TTBK1: variants seen among roughly 807,000 people sequenced by gnomAD.
TTBK1 encodes tau-tubulin kinase 1.
Under a neutral mutation model 108.5 loss-of-function variants are expected in TTBK1, and 34 were observed. The ratio of observed to expected loss-of-function variants is 0.31; its 90% CI spans 0.24 to 0.42. TTBK1 has a LOEUF of 0.42. TTBK1 is among the 10% of genes least tolerant of loss of function. The pLI is 1.00. For synonymous variants in TTBK1, 809 were observed against 795.1 expected (o/e 1.02, Z -0.29); for missense variants, 1,539 against 1,826.0 (o/e 0.84, Z 2.86).
intron 12 of TTBK1, among the ~76,000 whole-genome samples, chr6:43,261,808 C>CAA (rs11409412): frequency 0.049 from 4,183 of 85,900 alleles, 115 homozygotes; most frequent in Middle Eastern, 0.066. Flanking sequence ...GATTCTGTCT[C>CAA]AAAAAAAAAA....
At position 43,263,002 on chromosome 6, in the gene TTBK1, C is replaced by T. The variant is rs772844511; in HGVS notation, c.1638C>T (p.Ile546=). ...EDFDSKEWVI[I]DKETELKDFP... is the part of the protein sequence containing the mutation. ...TCGACAGCAAAGAGTGGGTCATCAT[C>T]GACAAGGAGACGGAGCTCAAGGACT... Residue 546 remains isoleucine, a synonymous_variant, in exon 13 of 15, where the codon ATC becomes ATT. Coordinates refer to ENST00000259750, the MANE Select transcript of TTBK1 (RefSeq NM_032538.3). This position sits in a 1 kb window ranked among gnomAD's most constrained non-coding sequence, Gnocchi z 4.7. 9.3e-6 allele frequency: 15 copies of T among 1,610,834 alleles called. No individual in the cohort carries two copies. Among genetic ancestry groups the T allele is most frequent in the Middle Eastern group, 1.6e-4 (1 of 6,078 alleles).
chr6:43,277,261 G>A (rs2150709357), intron 13 of TTBK1, among the ~76,000 whole-genome samples: 1 of 152,244 alleles, frequency 6.6e-6, no homozygotes, highest in Admixed American at 6.5e-5. Context: ...CTGGAGCATG[G>A]ACTGTGAGAA....
Position 43,269,177 on chromosome 6 carries a change from G to A in TTBK1, c.1986+5827G>A, listed in dbSNP as rs202053234. On this transcript the variant is annotated intron_variant, in intron 13 of 14. Transcript: ENST00000259750. This position sits in a 1 kb window ranked among gnomAD's most constrained non-coding sequence, Gnocchi z 4.8. Reference sequence around the variant, plus strand: ...TGTGATGGGGCGGGGGTGCCAAGGCGGAGGGTGTACAGGGAAAGTTTCTGA... The same window carrying A: ...TGTGATGGGGCGGGGGTGCCAAGGCAGAGGGTGTACAGGGAAAGTTTCTGA... 6.6e-6 allele frequency among the ~76,000 whole-genome samples: 1 copy of A among 152,350 alleles called. No homozygotes were observed.
At position 43,253,286 on chromosome 6, in the gene TTBK1, C is replaced by T. The variant is rs373665388; in HGVS notation, c.257-5C>T. ...AGCTGGAAGACCTATGTCTGTGCCC[C>T]TCAGGGAAGGACCATGTGTGCAGGT... On this transcript the variant is annotated splice_polypyrimidine_tract_variant and splice_region_variant and intron_variant, in intron 3 of 14. Coordinates refer to ENST00000259750, the MANE Select transcript of TTBK1 (RefSeq NM_032538.3). The surrounding 1 kb of genome is among the most constrained non-coding windows in gnomAD (Gnocchi z 5.8). 2.5e-6 allele frequency: 4 copies of T among 1,614,084 alleles called. No homozygotes were observed. Among genetic ancestry groups the T allele is most frequent in the Non-Finnish European group, 2.5e-6 (3 of 1,179,984 alleles).
At chr6:43,271,754 T>C in intron 13 of TTBK1, 1 of 978,736 alleles carries the variant, frequency 1.0e-6, no homozygotes, top group Non-Finnish European at 1.2e-6. Flanking sequence ...AATCTTTCTT[T>C]GTAAGTCTAT....
At position 43,276,589 on chromosome 6, in the gene TTBK1, G is replaced by A. The variant is rs964209809; in HGVS notation, c.1987-6138G>A. Among the ~76,000 whole-genome samples the A allele has an allele frequency of 1.3e-5, 2 of 152,362 alleles. No individual in the cohort carries two copies. The highest frequency in any genetic ancestry group is 6.5e-5 in the Admixed American group (1 of 15,312). Reference sequence around the variant, plus strand: ...TGCGAGGGATTTTGTGCCTTTTTAAGTCCCTGTATGTTAATGCAGACAATC... The same window carrying A: ...TGCGAGGGATTTTGTGCCTTTTTAAATCCCTGTATGTTAATGCAGACAATC... On this transcript the variant is annotated intron_variant, in intron 13 of 14. Transcript: ENST00000259750. This position sits in a 1 kb window ranked among gnomAD's most constrained non-coding sequence, Gnocchi z 5.4.
Position 43,253,923 on chromosome 6 carries a change from T to C in TTBK1, c.471+215T>C, listed in dbSNP as rs571894009. On this transcript the variant is annotated intron_variant, in intron 5 of 14. Coordinates refer to ENST00000259750, the MANE Select transcript of TTBK1 (RefSeq NM_032538.3). This position sits in a 1 kb window ranked among gnomAD's most constrained non-coding sequence, Gnocchi z 5.8. ...TGCACCCCTGCCTGCCCCTCGGCCA[T>C]GGCCAGGCCTCTCCTCTGTTCTTCC... Among the ~76,000 whole-genome samples, 1 of 152,334 alleles carries C rather than the reference T, an allele frequency of 6.6e-6. No homozygotes were observed. Among genetic ancestry groups the C allele is most frequent in the South Asian group, 2.1e-4 (1 of 4,832 alleles).
At chr6:43,270,297 C>G (rs1777793969) in intron 13 of TTBK1, 2 of 1,099,138 alleles carry the variant, frequency 1.8e-6, no homozygotes, top group Non-Finnish European at 2.2e-6. Context: ...GAGATGAGGC[C>G]TGCAGGGCCA....
In TTBK1 at chr6:43,255,847, C is replaced by T. The variant is rs1284652901; in HGVS notation, c.852C>T (p.Pro284=). The T allele has an allele frequency of 7.4e-6, 12 of 1,614,114 alleles. No individual in the cohort carries two copies. The highest frequency in any genetic ancestry group is 5.5e-5 in the South Asian group (5 of 91,078). Residue 284 remains proline, a synonymous_variant, in exon 9 of 15, where the codon CCC becomes CCT. Coordinates refer to ENST00000259750, the MANE Select transcript of TTBK1 (RefSeq NM_032538.3). Reference sequence around the variant, plus strand: ...CCAGCCTCGACTACTTCACCAAGCCCGACTACCAGGTGGGAGCCTGCTACC... The same window carrying T: ...CCAGCCTCGACTACTTCACCAAGCCTGACTACCAGGTGGGAGCCTGCTACC... ...HIASLDYFTK[P]DYQLIMSVFE...
rs1420323703 is a variant in TTBK1 at position 43,253,609 on chromosome 6, C to G, written c.372C>G (p.Gly124=). ...ACCTGCGCCGTAGCCAGCCGCGAGG[C>G]ACCTTCACGCTGAGCACCACATTGC... ...LADLRRSQPR[G]TFTLSTTLRL... Residue 124 remains glycine (G), a synonymous_variant, in exon 5 of 15, where the codon GGC becomes GGG. Coordinates refer to ENST00000259750, the MANE Select transcript of TTBK1 (RefSeq NM_032538.3). This position sits in a 1 kb window ranked among gnomAD's most constrained non-coding sequence, Gnocchi z 5.8. 3.7e-6 allele frequency: 6 copies of G among 1,613,252 alleles called. No homozygotes were observed. Among genetic ancestry groups the G allele is most frequent in the Non-Finnish European group, 5.1e-6 (6 of 1,179,732 alleles).
chr6:43,269,598 T>C lies in TTBK1; in HGVS notation c.1986+6248T>C. On this transcript the variant is annotated intron_variant, in intron 13 of 14. Coordinates refer to ENST00000259750, the MANE Select transcript of TTBK1 (RefSeq NM_032538.3). This position sits in a 1 kb window ranked among gnomAD's most constrained non-coding sequence, Gnocchi z 4.8. ...GCCCCGGAGACGGAGCTGTCGAGTC[T>C]GTGCCTGACACCTCTTTTCCCTCCA... 6.4e-7 allele frequency: 1 copy of C among 1,566,570 alleles called. No individual in the cohort carries two copies. The highest frequency in any genetic ancestry group is 8.7e-7 in the Non-Finnish European group (1 of 1,152,636).
rs1778331730 is a variant in TTBK1, at chr6:43,285,156, C to T, written c.3746C>T (p.Pro1249Leu). ...TSAARNASAS[P>L]RSQSLSRRES... is the part of the protein sequence containing the mutation. The stretch of plus-strand genomic sequence containing the variant: ...GCCGCGCGCAATGCCAGCGCGTCCC[C>T]CCGGAGCCAGTCCCTGTCCCGCAGA... Residue 1249 changes from proline to leucine, a missense_variant, in exon 15 of 15, where the codon CCC becomes CTC. This residue lies in a region of TTBK1 where 1,055 missense variants were observed against 1,086.5 expected (regional missense o/e 0.97). Coordinates refer to ENST00000259750, the MANE Select transcript of TTBK1 (RefSeq NM_032538.3). This position sits in a 1 kb window ranked among gnomAD's most constrained non-coding sequence, Gnocchi z 4.7. 7.0e-7 allele frequency: 1 copy of T among 1,421,538 alleles called. No homozygotes were observed. The highest frequency in any genetic ancestry group is 9.1e-7 in the Non-Finnish European group (1 of 1,095,952). 88.1% of individuals were successfully genotyped at this position (1,421,538 alleles called of 1,614,324 possible). A position where few individuals can be genotyped will look rare whatever the true frequency, so the allele number is the denominator to read the frequency against.
chr6:43,279,444 T>A (rs1317073445), intron 13 of TTBK1, among the ~76,000 whole-genome samples: 1 of 152,090 alleles, frequency 6.6e-6, no homozygotes, highest in Non-Finnish European at 1.5e-5. Context: ...GTTGGGTGAG[T>A]TCAGAGGTGG....
At chr6:43,251,770 G>A (rs911554832) in intron 2 of TTBK1, among the ~76,000 whole-genome samples, 19 of 152,214 alleles carry the variant, frequency 1.2e-4, no homozygotes, top group African/African-American at 3.9e-4. Context: ...CTCTCACAGT[G>A]CCCCCTGCCC....
In TTBK1 at chr6:43,285,398, GT is replaced by G; in HGVS notation, c.*23del. 1 of 1,266,416 alleles carries G rather than the reference GT, an allele frequency of 7.9e-7. No individual in the cohort carries two copies. Among genetic ancestry groups the G allele is most frequent in the Non-Finnish European group, 9.9e-7 (1 of 1,010,266 alleles). The allele number at this position is 1,266,416 out of a possible 1,614,324, so 78.4% of individuals were successfully genotyped here. A position where few individuals can be genotyped will look rare whatever the true frequency, so the allele number is the denominator to read the frequency against. On this transcript the variant is annotated 3_prime_UTR_variant, in exon 15 of 15. Transcript: ENST00000259750. The surrounding 1 kb of genome is among the most constrained non-coding windows in gnomAD (Gnocchi z 4.7). ...ATAATGACGCCCGCTGCTCTCCGCGGTCCCCCACCCTCACCCCGGCCCCCCA... is the reference window on the plus strand; with the variant it reads ...ATAATGACGCCCGCTGCTCTCCGCGGCCCCCACCCTCACCCCGGCCCCCCA...
intron 13 of TTBK1, among the ~76,000 whole-genome samples, chr6:43,275,280 A>G (rs938461483): frequency 2.0e-5 from 3 of 149,750 alleles, no homozygotes. Context: ...GGCGCCCTGC[A>G]CCCCCCGCCG....
In TTBK1 at chr6:43,283,327, G is replaced by A. The variant is rs754158307; in HGVS notation, c.2587G>A (p.Ala863Thr). The part of the protein sequence containing the change: ...LAPDPDLGTL[A>T]ALTPQHERPQ... ...CCCCGACCCCGACCTGGGCACCCTGGCTGCCCTCACTCCTCAGCATGAGCG... is the reference window on the plus strand; with the variant it reads ...CCCCGACCCCGACCTGGGCACCCTGACTGCCCTCACTCCTCAGCATGAGCG... The change falls in exon 14 of 15, where the codon GCT becomes ACT. Residue 863 changes from alanine (A) to threonine (T), a missense_variant. By Grantham distance (58) the Ala-to-Thr change is moderately conservative. Coordinates refer to ENST00000259750, the MANE Select transcript of TTBK1 (RefSeq NM_032538.3). This position sits in a 1 kb window ranked among gnomAD's most constrained non-coding sequence, Gnocchi z 8.1. 4.4e-6 allele frequency: 7 copies of A among 1,587,322 alleles called. No individual in the cohort carries two copies. Among genetic ancestry groups the A allele is most frequent in the Non-Finnish European group, 5.1e-6 (6 of 1,166,952 alleles).
chr6:43,283,652 T>C lies in TTBK1; in HGVS notation c.2912T>C (p.Val971Ala). The change falls in exon 14 of 15, where the codon GTG becomes GCG. Residue 971 changes from valine to alanine, a missense_variant. This residue lies in a region of TTBK1 where 1,055 missense variants were observed against 1,086.5 expected (regional missense o/e 0.97). Coordinates refer to ENST00000259750, the MANE Select transcript of TTBK1 (RefSeq NM_032538.3). This position sits in a 1 kb window ranked among gnomAD's most constrained non-coding sequence, Gnocchi z 8.1. ...GAGCTGGCCTCTGATGGGGGCGCTGTGGAGGAGGGGGCCCGAGCGCCCCTG... is the reference window on the plus strand; with the variant it reads ...GAGCTGGCCTCTGATGGGGGCGCTGCGGAGGAGGGGGCCCGAGCGCCCCTG... ...GLELASDGGA[V>A]EEGARAPLEN... The C allele has an allele frequency of 6.2e-7, 1 of 1,613,872 alleles. No individual in the cohort carries two copies. Among genetic ancestry groups the C allele is most frequent in the Non-Finnish European group, 8.5e-7 (1 of 1,179,948 alleles).
Position 43,263,229 on chromosome 6 carries a change from A to G in TTBK1, c.1865A>G (p.Gln622Arg). 1 of 1,575,298 alleles carries G rather than the reference A, an allele frequency of 6.3e-7. No homozygotes were observed. The highest frequency in any genetic ancestry group is 1.2e-5 in the South Asian group (1 of 86,076). The stretch of plus-strand genomic sequence containing the variant: ...CAGCCCCTGCCACCCCAGCTGAGCC[A>G]GGGCGATGGCCGTTCCGAGACGTCA... Reference protein sequence around the residue: ...PPQPLPPQLSQGDGRSETSQP... With the variant: ...PPQPLPPQLSRGDGRSETSQP... Residue 622 changes from glutamine to arginine, a missense_variant, in exon 13 of 15, where the codon CAG becomes CGG. Transcript: ENST00000259750. This position sits in a 1 kb window ranked among gnomAD's most constrained non-coding sequence, Gnocchi z 4.7.
Sources: allele counts gnomAD v4.1 joint callset (sites outside exome capture counted in the v4.1 genomes callset), GRCh38; gene constraint gnomAD v4.1.1; regional missense constraint gnomAD v4.1.1; non-coding constraint Gnocchi (gnomAD v3.1); transcripts MANE v1.5; gene names NCBI Gene and HGNC (gene_info 2026-07-23, HGNC 2026-07-21).